Variants in MEF2A observed in about 807,000 individuals in gnomAD.
The protein encoded by MEF2A is myocyte enhancer factor 2A, also known as myocyte-specific enhancer factor 2A.
MEF2A carries 28 observed loss-of-function variants against 55.8 expected under a neutral mutation model. The observed-to-expected ratio is 0.50, with a 90% CI of 0.37 to 0.69. The LOEUF is 0.69. MEF2A is among the 30% of genes least tolerant of loss of function. The pLI is 0.00. For synonymous variants in MEF2A, 239 were observed against 227.1 expected (o/e 1.05, Z -0.47); for missense variants, 528 against 626.2 (o/e 0.84, Z 1.67).
chr15:99,696,028 A>G (rs889745267), intron 8 of MEF2A, among the ~76,000 whole-genome samples: 2 of 152,238 alleles, frequency 1.3e-5, no homozygotes, highest in South Asian at 2.1e-4. Flanking sequence ...TATCAGCGAT[A>G]AGGAGGGACG....
intron 4 of MEF2A, among the ~76,000 whole-genome samples, chr15:99,664,870 C>T (rs1167815279): frequency 6.6e-6 from 1 of 152,042 alleles, no homozygotes; most frequent in Admixed American, 6.6e-5. Flanking sequence ...ATAAACATTA[C>T]TATCATAAAA....
At position 99,575,374 on chromosome 15, in the gene MEF2A, C is replaced by T. The variant is rs184440531; in HGVS notation, c.-225+9270C>T. ...TTTAATTTTTGGGTTTTGTAGAGTA[C>T]AGACCCTTTGTTTTGTAGGATGTCC... On this transcript the variant is annotated intron_variant, in intron 1 of 11. Coordinates refer to ENST00000557942, the MANE Select transcript of MEF2A (RefSeq NM_001319206.4). Among the ~76,000 whole-genome samples the T allele has an allele frequency of 7.1e-4, 108 of 152,202 alleles. No individual in the cohort carries two copies. In the South Asian group the frequency reaches 8.7e-3, roughly 12 times the overall value.
At chr15:99,614,249 G>A (rs1377293093) in intron 2 of MEF2A, among the ~76,000 whole-genome samples, 1 of 152,184 alleles carries the variant, frequency 6.6e-6, no homozygotes, top group Non-Finnish European at 1.5e-5. Flanking sequence ...CTGCAGTTCA[G>A]TGAAGAATAA....
intron 2 of MEF2A, among the ~76,000 whole-genome samples, chr15:99,601,558 G>T (rs1972995420): frequency 6.9e-6 from 1 of 145,084 alleles, no homozygotes; most frequent in Admixed American, 6.9e-5. Context: ...TTGAATTTTG[G>T]CCAAATGTTT....
intron 1 of MEF2A, among the ~76,000 whole-genome samples, chr15:99,593,843 A>G (rs1022054978): frequency 7.9e-5 from 12 of 152,362 alleles, no homozygotes; most frequent in African/African-American, 2.4e-4. Context: ...TAATGCTTCA[A>G]AGGTCTTGTT....
rs1966367191 is a variant in MEF2A at position 99,582,959 on chromosome 15, A to C, written c.-224-15471A>C. 2.0e-5 allele frequency among the ~76,000 whole-genome samples: 3 copies of C among 152,112 alleles called. No individual in the cohort carries two copies. The South Asian group carries it at 6.2e-4, about 32-fold the overall frequency. ...AATCACCCCAGTTCTCTTCCACGGA[A>C]GAAGGGATATCATAGTGTAAGCAAA... On this transcript the variant is annotated intron_variant, in intron 1 of 11. Coordinates refer to ENST00000557942, the MANE Select transcript of MEF2A (RefSeq NM_001319206.4).
chr15:99,700,010 T>C (rs542859284), intron 8 of MEF2A, among the ~76,000 whole-genome samples: 1 of 147,020 alleles, frequency 6.8e-6, no homozygotes, highest in African/African-American at 2.5e-5. Context: ...AATTTTTGTA[T>C]TTTTAGTGGA....
rs921725509 is a variant in MEF2A at position 99,576,645 on chromosome 15, G to GTTT, written c.-225+10552_-225+10554dup. 1.2e-3 allele frequency among the ~76,000 whole-genome samples: 168 copies of GTTT among 138,912 alleles called. 2 individuals are homozygous for GTTT. The highest frequency in any genetic ancestry group is 4.3e-3 in the African/African-American group (163 of 38,280). 91.1% of individuals were successfully genotyped at this position (138,912 alleles called of 152,430 possible). On this transcript the variant is annotated intron_variant, in intron 1 of 11. Coordinates refer to ENST00000557942, the MANE Select transcript of MEF2A (RefSeq NM_001319206.4). The stretch of plus-strand genomic sequence containing the variant: ...AAGAAACATAAACTTTAGTTTTTTT[G>GTTT]TTTTTTTTTTTTTGAGACGGAATCT...
chr15:99,667,161 T>C (rs1220376315), intron 4 of MEF2A, among the ~76,000 whole-genome samples: 1 of 152,120 alleles, frequency 6.6e-6, no homozygotes, highest in African/African-American at 2.4e-5. Flanking sequence ...AATCAGTGAG[T>C]TGGGTGGTTT....
chr15:99,643,871 G>A (rs923910500), intron 3 of MEF2A, among the ~76,000 whole-genome samples: 5 of 152,288 alleles, frequency 3.3e-5, no homozygotes, highest in East Asian at 1.9e-4. Context: ...GATTACGGGC[G>A]TGAGCCACCG....
chr15:99,666,087 A>G (rs921902486), intron 4 of MEF2A, among the ~76,000 whole-genome samples: 1 of 152,118 alleles, frequency 6.6e-6, no homozygotes, highest in Non-Finnish European at 1.5e-5. Context: ...CCATTACTGA[A>G]TATATACCCA....
chr15:99,599,528 T>C (rs954659824), intron 2 of MEF2A, among the ~76,000 whole-genome samples: 3 of 152,296 alleles, frequency 2.0e-5, no homozygotes, highest in Admixed American at 6.5e-5. Context: ...AAGTATGATA[T>C]TCTGACATCA....
intron 2 of MEF2A, among the ~76,000 whole-genome samples, chr15:99,600,320 A>G (rs1180056384): frequency 3.3e-5 from 5 of 152,100 alleles, no homozygotes; most frequent in Admixed American, 2.6e-4. Flanking sequence ...CTATGGTTCT[A>G]TGGGTTGTGC....
chr15:99,647,961 T>C (rs987531333), intron 4 of MEF2A, among the ~76,000 whole-genome samples: 14 of 152,212 alleles, frequency 9.2e-5, no homozygotes, highest in Non-Finnish European at 1.5e-5. Context: ...TTTTCACATA[T>C]GAAGATGATG....
At chr15:99,621,693 CA>C (rs1488506061) in intron 2 of MEF2A, among the ~76,000 whole-genome samples, 2 of 152,140 alleles carry the variant, frequency 1.3e-5, no homozygotes, top group Admixed American at 6.5e-5. Flanking sequence ...TGTCCATGAC[CA>C]TCTCAAGTTT....
intron 1 of MEF2A, among the ~76,000 whole-genome samples, chr15:99,597,010 T>G (rs1277433963): frequency 6.6e-6 from 1 of 152,184 alleles, no homozygotes; most frequent in African/African-American, 2.4e-5. Flanking sequence ...TTATATCATC[T>G]CAGGACCCTG....
At chr15:99,591,677 T>C (rs1171445193) in intron 1 of MEF2A, among the ~76,000 whole-genome samples, 1 of 152,116 alleles carries the variant, frequency 6.6e-6, no homozygotes, top group Non-Finnish European at 1.5e-5. Flanking sequence ...TTCTCACAGG[T>C]TCTTCATAAT....
chr15:99,596,036 T>A (rs572434984), intron 1 of MEF2A, among the ~76,000 whole-genome samples: 45 of 152,270 alleles, frequency 3.0e-4, no homozygotes, highest in Non-Finnish European at 5.7e-4. Flanking sequence ...TTTTTTTTTT[T>A]AAAGAGCGTG....
chr15:99,572,128 A>C (rs1358710273), intron 1 of MEF2A, among the ~76,000 whole-genome samples: 2 of 151,770 alleles, frequency 1.3e-5, no homozygotes, highest in Non-Finnish European at 2.9e-5. Flanking sequence ...TTCCTCTCAA[A>C]ATCAAGTCCT....
Sources: gnomAD v4.1 joint callset for allele counts (sites outside exome capture counted in the v4.1 genomes callset) on GRCh38, gnomAD v4.1.1 for gene constraint, MANE v1.5 for transcripts, NCBI Gene and HGNC (gene_info 2026-07-23, HGNC 2026-07-21) for gene names.